The following COL21A1 variants were observed in gnomAD, a reference collection of about 807,000 sequenced individuals.
COL21A1 encodes the protein collagen alpha-1(XXI) chain.
COL21A1 carries 149 observed loss-of-function variants against 137.9 expected under a neutral mutation model. That is an observed-to-expected ratio of 1.08 (90% confidence interval 0.95 to 1.24). COL21A1 has a LOEUF of 1.24. Among genes scored for constraint, COL21A1 ranks in the 50% most tolerant of loss-of-function variants. The probability of loss-of-function intolerance (pLI) is 0.00; values close to 1 mark genes in which losing one functional copy is unlikely to be tolerated. For missense variants in COL21A1, 1,167 were observed against 1,158.4 expected (o/e 1.01, Z -0.11); for synonymous variants, 456 against 391.5 (o/e 1.16, Z -1.95).
At chr6:56,126,572 G>A (rs2152214891) in intron 12 of COL21A1, 1 of 155,008 alleles carries the variant, frequency 6.5e-6, no homozygotes, top group African/African-American at 2.4e-5. Context: ...GGATTCTGTG[G>A]AATTTTTAAA....
At chr6:56,103,213 C>A (rs1770606506) in intron 16 of COL21A1, among the ~76,000 whole-genome samples, 1 of 152,042 alleles carries the variant, frequency 6.6e-6, no homozygotes, top group African/African-American at 2.4e-5. Flanking sequence ...GCATATTAAG[C>A]CAGAATCTCT....
chr6:56,330,260 C>A (rs976860174), intron 1 of COL21A1, among the ~76,000 whole-genome samples: 20 of 151,284 alleles, frequency 1.3e-4, no homozygotes, highest in African/African-American at 4.9e-4. Context: ...TGGTATAAAC[C>A]AAATTAACTG....
At chr6:56,214,126 G>A (rs146116012) in intron 1 of COL21A1, among the ~76,000 whole-genome samples, 42 of 152,058 alleles carry the variant, frequency 2.8e-4, no homozygotes, top group African/African-American at 1.0e-3. Flanking sequence ...TCTTGGAGCA[G>A]GAATCACAGG....
intron 1 of COL21A1, among the ~76,000 whole-genome samples, chr6:56,340,176 ACC>A (rs1375264674): frequency 6.6e-6 from 1 of 152,050 alleles, no homozygotes; most frequent in East Asian, 1.9e-4. Flanking sequence ...CCTGAGCCCC[ACC>A]TCACCCCTCC....
chr6:56,349,610 TTTA>T (rs1765668487), intron 1 of COL21A1, among the ~76,000 whole-genome samples: 1 of 152,180 alleles, frequency 6.6e-6, no homozygotes, highest in South Asian at 2.1e-4. Flanking sequence ...ATTTTTAATT[TTTA>T]TTCTTAGAAA....
intron 1 of COL21A1, chr6:56,276,421 T>A: frequency 4.6e-6 from 1 of 215,124 alleles, no homozygotes; most frequent in East Asian, 2.8e-4. Flanking sequence ...TGTTTTGATC[T>A]TTTTTTTTTA....
chr6:56,117,679 T>A (rs1258021593), intron 16 of COL21A1, among the ~76,000 whole-genome samples: 2 of 152,002 alleles, frequency 1.3e-5, no homozygotes, highest in Non-Finnish European at 2.9e-5. Flanking sequence ...AGACCATAGG[T>A]TAGGTCACAA....
intron 1 of COL21A1, among the ~76,000 whole-genome samples, chr6:56,317,175 C>A (rs1376925774): frequency 1.3e-5 from 2 of 152,078 alleles, no homozygotes; most frequent in Non-Finnish European, 2.9e-5. Context: ...CGCTTATAGA[C>A]CAAGAAAAGT....
intron 12 of COL21A1, among the ~76,000 whole-genome samples, chr6:56,129,484 T>C (rs1456383917): frequency 6.6e-6 from 1 of 152,210 alleles, no homozygotes; most frequent in Non-Finnish European, 1.5e-5. Context: ...TTCTTTCTCA[T>C]TTAAACTACT....
Position 56,101,488 on chromosome 6 carries a change from C to T in COL21A1, c.1796G>A (p.Gly599Glu). 6.3e-7 allele frequency: 1 copy of T among 1,595,316 alleles called. No homozygotes were observed. Among genetic ancestry groups the T allele is most frequent in the Non-Finnish European group, 8.5e-7 (1 of 1,169,754 alleles). ...GGTACTCACAGGCTCTCCCCGTGTT[C>T]CATCCTGCCCCGGAGCACCAGGGGA... ...AGSPGAPGQD[G>E]TRGEPGIPGF... Residue 599 changes from glycine (G) to glutamate (E), a missense_variant, in exon 17 of 30, where the codon GGA becomes GAA. By Grantham distance (98) the Gly-to-Glu change is moderately conservative. Coordinates refer to ENST00000244728, the MANE Select transcript of COL21A1 (RefSeq NM_030820.4).
At chr6:56,220,166 A>C (rs1374580965) in intron 1 of COL21A1, among the ~76,000 whole-genome samples, 2 of 152,148 alleles carry the variant, frequency 1.3e-5, no homozygotes, top group Admixed American at 1.3e-4. Flanking sequence ...TAAACAGCAC[A>C]TTGCACAGTA....
intron 1 of COL21A1, among the ~76,000 whole-genome samples, chr6:56,226,239 A>C (rs1306544113): frequency 6.6e-6 from 1 of 152,046 alleles, no homozygotes; most frequent in Non-Finnish European, 1.5e-5. Context: ...TATACCAAAA[A>C]AAGTCACTTT....
chr6:56,315,763 G>A (rs534399599), intron 1 of COL21A1, among the ~76,000 whole-genome samples: 3 of 151,310 alleles, frequency 2.0e-5, no homozygotes, highest in South Asian at 2.1e-4. Context: ...GGTCAATCAA[G>A]TTCTTCTCTA....
chr6:56,291,824 C>T (rs4712123), intron 1 of COL21A1, among the ~76,000 whole-genome samples: 68,343 of 152,122 alleles, frequency 0.45, 17,306 homozygotes, highest in East Asian at 0.77. Context: ...ACAATTCGTT[C>T]CCTAATGCTG....
chr6:56,069,174 A>T, intron 21 of COL21A1, 57 bp from the exon 22 acceptor site: 1 of 1,177,322 alleles, frequency 8.5e-7, no homozygotes, highest in South Asian at 1.4e-5. Context: ...GAAAAGCACC[A>T]CTGTTTTTAT....
chr6:56,243,529 A>G (rs887478454), intron 1 of COL21A1, among the ~76,000 whole-genome samples: 2 of 152,194 alleles, frequency 1.3e-5, no homozygotes, highest in Non-Finnish European at 2.9e-5. Context: ...CAGAGGTGAA[A>G]ACAGAAAAGA....
chr6:56,254,646 TG>T (rs1782926649), intron 1 of COL21A1, among the ~76,000 whole-genome samples: 2 of 152,168 alleles, frequency 1.3e-5, no homozygotes, highest in African/African-American at 4.8e-5. Context: ...TGTGAAAAAA[TG>T]GGAAATATTT....
intron 1 of COL21A1, among the ~76,000 whole-genome samples, chr6:56,260,799 T>C (rs908514016): frequency 6.7e-6 from 1 of 148,422 alleles, no homozygotes; most frequent in Non-Finnish European, 1.5e-5. Context: ...TGGAAGACAA[T>C]TTTGTATTCA....
At chr6:56,255,195 C>T (rs376570526) in intron 1 of COL21A1, among the ~76,000 whole-genome samples, 2 of 152,044 alleles carry the variant, frequency 1.3e-5, no homozygotes, top group African/African-American at 4.8e-5. Flanking sequence ...ACATTACAAC[C>T]TGCATTTTCT....
Sources: gnomAD v4.1 joint callset for allele counts (sites outside exome capture counted in the v4.1 genomes callset) on GRCh38, gnomAD v4.1.1 for gene constraint, MANE v1.5 for transcripts, NCBI Gene and HGNC (gene_info 2026-07-23, HGNC 2026-07-21) for gene names.